The following TICAM1 variants were observed in gnomAD, a reference collection of about 807,000 sequenced individuals.
The protein encoded by TICAM1 is TIR domain containing adaptor molecule 1.
For missense variants in TICAM1, 895 were observed against 938.2 expected (o/e 0.95, Z 0.60); for synonymous variants, 439 against 415.4 (o/e 1.06, Z -0.69).
In TICAM1 at chr19:4,816,576, G is replaced by C. The variant is rs760290741; in HGVS notation, c.1802C>G (p.Ala601Gly). 1 of 1,613,142 alleles carries C rather than the reference G, an allele frequency of 6.2e-7. No individual in the cohort carries two copies. The highest frequency in any genetic ancestry group is 1.1e-5 in the South Asian group (1 of 91,044). The part of the protein sequence containing the change: ...FGSHMSFGTG[A>G]PYGARMPFGG... ...AAAGGGCATTCGAGCCCCATAGGGC[G>C]CCCCAGTCCCAAATGACATGTGGCT... The change falls in exon 2 of 2, where the codon GCG becomes GGG. Residue 601 changes from alanine (A) to glycine (G), a missense_variant. Transcript: ENST00000248244. This position sits in a 1 kb window ranked among gnomAD's most constrained non-coding sequence, Gnocchi z 4.3.
Position 4,818,011 on chromosome 19 carries a change from G to C in TICAM1, c.367C>G (p.Arg123Gly), listed in dbSNP as rs373241772. The change falls in exon 2 of 2, where the codon CGC becomes GGC. Residue 123 changes from arginine (R) to glycine (G), a missense_variant. By Grantham distance (125) the Arg-to-Gly change is moderately radical. Transcript: ENST00000248244. The surrounding 1 kb of genome is among the most constrained non-coding windows in gnomAD (Gnocchi z 4.0). ...LRDVAYQEAV[R>G]TLSSRDDHRL... ...TGGTCGTCCCTGGAGCTGAGGGTGC[G>C]GACGGCTTCCTGGTAGGCCACGTCC... The C allele has an allele frequency of 6.2e-7, 1 of 1,611,752 alleles. No individual in the cohort carries two copies. The highest frequency in any genetic ancestry group is 8.5e-7 in the Non-Finnish European group (1 of 1,179,932).
intron 1 of TICAM1, 56 bp downstream of exon 1, chr19:4,831,558 C>G (rs973045111): frequency 6.6e-6 from 1 of 152,374 alleles, no homozygotes; most frequent in East Asian, 1.9e-4. Flanking sequence ...GGGCCACCCC[C>G]CACACCCCCG....
In TICAM1 at chr19:4,816,182, C is replaced by T; in HGVS notation, c.*57G>A. The T allele has an allele frequency of 6.8e-7, 1 of 1,465,138 alleles. No homozygotes were observed. The highest frequency in any genetic ancestry group is 2.4e-5 in the East Asian group (1 of 42,040). The allele number at this position is 1,465,138 out of a possible 1,614,324, so 90.8% of individuals were successfully genotyped here. A position where few individuals can be genotyped will look rare whatever the true frequency, so the allele number is the denominator to read the frequency against. On this transcript the variant is annotated 3_prime_UTR_variant, in exon 2 of 2. Coordinates refer to ENST00000248244, the MANE Select transcript of TICAM1 (RefSeq NM_182919.4). This position sits in a 1 kb window ranked among gnomAD's most constrained non-coding sequence, Gnocchi z 4.3. ...GGCAGACCGGGGTGCTCTATGGGGT[C>T]CTGGCCGATGCCTGGGTCCAGGGGT...
Position 4,823,271 on chromosome 19 carries a change from C to T in TICAM1, c.-139-4755G>A, listed in dbSNP as rs536737766. The stretch of plus-strand genomic sequence containing the variant: ...CCTAAGGTCAGGAGTACGAGACCAG[C>T]CTGGCTAACATGGCGAAACTCCATC... On this transcript the variant is annotated intron_variant, in intron 1 of 1. Transcript: ENST00000248244. Among the ~76,000 whole-genome samples the T allele has an allele frequency of 3.8e-4, 58 of 152,176 alleles. 1 individual carries two copies. The South Asian group carries it at 0.011, about 30-fold the overall frequency.
Position 4,818,548 on chromosome 19 carries a change from C to T in TICAM1, c.-139-32G>A. On this transcript the variant is annotated intron_variant, in intron 1 of 1. Coordinates refer to ENST00000248244, the MANE Select transcript of TICAM1 (RefSeq NM_182919.4). This position sits in a 1 kb window ranked among gnomAD's most constrained non-coding sequence, Gnocchi z 4.0. ...GAAACAGGAGAAGCAAACACACTTA[C>T]CCCCAAGAAAGGTCAGCACGGGAAG... is the stretch of plus-strand genomic sequence containing the variant. 7.3e-7 allele frequency: 1 copy of T among 1,362,322 alleles called. No homozygotes were observed. Among genetic ancestry groups the T allele is most frequent in the Non-Finnish European group, 9.6e-7 (1 of 1,041,462 alleles). 84.4% of individuals were successfully genotyped at this position (1,362,322 alleles called of 1,614,324 possible).
chr19:4,823,045 C>A (rs1371874804), intron 1 of TICAM1, among the ~76,000 whole-genome samples: 1 of 152,134 alleles, frequency 6.6e-6, no homozygotes, highest in Non-Finnish European at 1.5e-5. Context: ...TTTGGCCGGG[C>A]CTGACGGCTC....
chr19:4,816,365 A>G lies in TICAM1; in HGVS notation c.2013T>C (p.Pro671=). The change falls in exon 2 of 2, where the codon CCT becomes CCC. Residue 671 remains proline, a synonymous_variant. Transcript: ENST00000248244. The surrounding 1 kb of genome is among the most constrained non-coding windows in gnomAD (Gnocchi z 4.3). ...TGAGGGGTTGCAGCCCTGGGCTCTG[A>G]GGGGGTGCGGGTGAGGCCGTAGGGA... ...PAFPTASPAP[P]QSPGLQPLII... The G allele has an allele frequency of 6.3e-7, 1 of 1,584,812 alleles. No individual in the cohort carries two copies. The highest frequency in any genetic ancestry group is 8.6e-7 in the Non-Finnish European group (1 of 1,167,388).
intron 1 of TICAM1, among the ~76,000 whole-genome samples, chr19:4,825,511 G>A (rs529280618): frequency 6.7e-6 from 1 of 148,636 alleles, no homozygotes; most frequent in East Asian, 2.2e-4. Context: ...GTGAGCCACC[G>A]CGGCCGGCAT....
In TICAM1 at chr19:4,817,567, G is replaced by A. The variant is rs752908663; in HGVS notation, c.811C>T (p.Pro271Ser). Residue 271 changes from proline (P) to serine (S), a missense_variant, in exon 2 of 2, where the codon CCA becomes TCA. Coordinates refer to ENST00000248244, the MANE Select transcript of TICAM1 (RefSeq NM_182919.4). The surrounding 1 kb of genome is among the most constrained non-coding windows in gnomAD (Gnocchi z 4.7). ...GCCACTTCGGGAAGCCCAGGAGGTGGGCTGCTTGGCAGCTCTGGTGGGCTG... is the reference window on the plus strand; with the variant it reads ...GCCACTTCGGGAAGCCCAGGAGGTGAGCTGCTTGGCAGCTCTGGTGGGCTG... Reference protein sequence around the residue: ...IASPPELPSSPPPGLPEVAPD... With the variant: ...IASPPELPSSSPPGLPEVAPD... The A allele has an allele frequency of 9.9e-6, 16 of 1,612,010 alleles. No individual in the cohort carries two copies. In the South Asian group the frequency reaches 1.5e-4, roughly 16 times the overall value.
chr19:4,818,028 G>T lies in TICAM1; in HGVS notation c.350C>A (p.Ala117Asp). The T allele has an allele frequency of 6.2e-7, 1 of 1,610,196 alleles. No individual in the cohort carries two copies. ...KLCPASLRDV[A>D]YQEAVRTLSS... ...GAGGGTGCGGACGGCTTCCTGGTAG[G>T]CCACGTCCCGCAGCGAGGCGGGGCA... Residue 117 changes from alanine to aspartate, a missense_variant, in exon 2 of 2, where the codon GCC (alanine) becomes GAC (aspartate). Physicochemically the swap from Ala to Asp is moderately radical, Grantham distance 126 (BLOSUM62 -2). Coordinates refer to ENST00000248244, the MANE Select transcript of TICAM1 (RefSeq NM_182919.4). This position sits in a 1 kb window ranked among gnomAD's most constrained non-coding sequence, Gnocchi z 4.0.
Position 4,816,057 on chromosome 19 carries a change from C to A in TICAM1, c.*182G>T, listed in dbSNP as rs2093584115. 4 of 912,148 alleles carry A rather than the reference C, an allele frequency of 4.4e-6. No homozygotes were observed. In the South Asian group the frequency reaches 1.5e-4, roughly 33 times the overall value. 56.5% of individuals were successfully genotyped at this position (912,148 alleles called of 1,614,324 possible). On this transcript the variant is annotated 3_prime_UTR_variant, in exon 2 of 2. Coordinates refer to ENST00000248244, the MANE Select transcript of TICAM1 (RefSeq NM_182919.4). This position sits in a 1 kb window ranked among gnomAD's most constrained non-coding sequence, Gnocchi z 4.3. ...TATCCAGTTCTGACCACCCTGAAAG[C>A]CAGGGCATCATCGCGCCCGTTTTGT...
chr19:4,815,970 G>A lies in TICAM1; in HGVS notation c.*269C>T, dbSNP rs1160014555. ...TATTTATTATAATTAAAAGACCGTAGCAATACCCCCACCACCAAGACCCTT... is the reference window on the plus strand; with the variant it reads ...TATTTATTATAATTAAAAGACCGTAACAATACCCCCACCACCAAGACCCTT... On this transcript the variant is annotated 3_prime_UTR_variant, in exon 2 of 2. Coordinates refer to ENST00000248244, the MANE Select transcript of TICAM1 (RefSeq NM_182919.4). The A allele has an allele frequency of 2.8e-6, 1 of 363,450 alleles. No individual in the cohort carries two copies. The highest frequency in any genetic ancestry group is 2.1e-5 in the African/African-American group (1 of 47,882). The allele number at this position is 363,450 out of a possible 1,614,324, so 22.5% of individuals were successfully genotyped here.
At chr19:4,827,259 G>T (rs907917800) in intron 1 of TICAM1, among the ~76,000 whole-genome samples, 1 of 151,070 alleles carries the variant, frequency 6.6e-6, no homozygotes, top group Non-Finnish European at 1.5e-5. Context: ...GCTGAGGCAG[G>T]AGAATCGCTT....
In TICAM1 at chr19:4,817,844, G is replaced by T; in HGVS notation, c.534C>A (p.Leu178=). The part of the protein sequence containing the change: ...SSALPSGTRS[L]PRPIDGVSDW... ...CCGAAACACCGTCAATGGGGCGTGG[G>T]AGGCTCCTGGTCCCAGAGGGCAAAG... The change falls in exon 2 of 2, where the codon CTC becomes CTA. Residue 178 remains leucine (L), a synonymous_variant. Coordinates refer to ENST00000248244, the MANE Select transcript of TICAM1 (RefSeq NM_182919.4). This position sits in a 1 kb window ranked among gnomAD's most constrained non-coding sequence, Gnocchi z 4.7. The T allele has an allele frequency of 6.2e-7, 1 of 1,611,392 alleles. No homozygotes were observed. The highest frequency in any genetic ancestry group is 8.5e-7 in the Non-Finnish European group (1 of 1,179,116).
Position 4,816,558 on chromosome 19 carries a change from A to T in TICAM1, c.1820T>A (p.Met607Lys). The T allele has an allele frequency of 6.2e-7, 1 of 1,610,880 alleles. No homozygotes were observed. Among genetic ancestry groups the T allele is most frequent in the Non-Finnish European group, 8.5e-7 (1 of 1,179,158 alleles). The change falls in exon 2 of 2, where the codon ATG becomes AAG. Residue 607 changes from methionine (M) to lysine (K), a missense_variant. Coordinates refer to ENST00000248244, the MANE Select transcript of TICAM1 (RefSeq NM_182919.4). This position sits in a 1 kb window ranked among gnomAD's most constrained non-coding sequence, Gnocchi z 4.3. ...CAGGGGCACCTGGCCCCCAAAGGGC[A>T]TTCGAGCCCCATAGGGCGCCCCAGT... ...FGTGAPYGAR[M>K]PFGGQVPLGA...
At chr19:4,828,715 T>C (rs1182297437) in intron 1 of TICAM1, among the ~76,000 whole-genome samples, 2 of 148,146 alleles carry the variant, frequency 1.4e-5, no homozygotes, top group East Asian at 3.9e-4. Context: ...TTTTTTTTTT[T>C]TTTTCTGAGA....
chr19:4,822,236 T>C (rs1294495308), intron 1 of TICAM1, among the ~76,000 whole-genome samples: 2 of 147,122 alleles, frequency 1.4e-5, no homozygotes, highest in African/African-American at 2.5e-5. Flanking sequence ...TGCCGGCCAA[T>C]TGTTTTTTAG....
chr19:4,828,359 C>T (rs1401980544), intron 1 of TICAM1, among the ~76,000 whole-genome samples: 1 of 151,120 alleles, frequency 6.6e-6, no homozygotes, highest in African/African-American at 2.4e-5. Flanking sequence ...CACTCAGCCT[C>T]CCAAGTAGCT....
At position 4,816,030 on chromosome 19, in the gene TICAM1, C is replaced by T. The variant is rs1018001360; in HGVS notation, c.*209G>A. On this transcript the variant is annotated 3_prime_UTR_variant, in exon 2 of 2. Coordinates refer to ENST00000248244, the MANE Select transcript of TICAM1 (RefSeq NM_182919.4). The surrounding 1 kb of genome is among the most constrained non-coding windows in gnomAD (Gnocchi z 4.3). ...ATAGAGAGATTGGAATTGTAAACAC[C>T]GTATCCAGTTCTGACCACCCTGAAA... The T allele has an allele frequency of 3.7e-5, 21 of 574,452 alleles. No homozygotes were observed. Among genetic ancestry groups the T allele is most frequent in the Admixed American group, 2.1e-4 (5 of 23,576 alleles). 35.6% of individuals were successfully genotyped at this position (574,452 alleles called of 1,614,324 possible). A position where few individuals can be genotyped will look rare whatever the true frequency, so the allele number is the denominator to read the frequency against.
Sources: gnomAD v4.1 joint callset for allele counts (sites outside exome capture counted in the v4.1 genomes callset) on GRCh38, gnomAD v4.1.1 for gene constraint, Gnocchi (gnomAD v3.1) non-coding constraint, MANE v1.5 for transcripts, NCBI Gene and HGNC (gene_info 2026-07-23, HGNC 2026-07-21) for gene names.